Variants in HERC3 observed in about 807,000 individuals in gnomAD.
HERC3 encodes probable E3 ubiquitin-protein ligase HERC3.
In HERC3, 58 loss-of-function variants were observed where a neutral mutation model predicts 129.9. The ratio of observed to expected loss-of-function variants is 0.45; its 90% CI spans 0.36 to 0.56. The LOEUF (loss-of-function observed/expected upper bound fraction) is 0.56. HERC3 is among the 20% of genes least tolerant of loss of function. HERC3 has a pLI of 0.00. For missense variants in HERC3, 835 were observed against 1,244.2 expected (o/e 0.67, Z 4.95); for synonymous variants, 430 against 451.0 (o/e 0.95, Z 0.59).
At chr4:88,644,742 A>G (rs753230260) in intron 3 of HERC3, among the ~76,000 whole-genome samples, 72 of 152,178 alleles carry the variant, frequency 4.7e-4, no homozygotes, top group Non-Finnish European at 8.8e-4. Context: ...TATATACCAA[A>G]AAAAGGTCAA....
chr4:88,617,742 G>A (rs183979340), intron 3 of HERC3, among the ~76,000 whole-genome samples: 133 of 152,200 alleles, frequency 8.7e-4, no homozygotes, highest in Admixed American at 3.1e-3. Flanking sequence ...GTGGTGGTGG[G>A]CACCTGTATT....
chr4:88,561,656 T>C, the HERC3 span, among the ~76,000 whole-genome samples: 2 of 152,154 alleles, frequency 1.3e-5, no homozygotes, highest in African/African-American at 4.8e-5. Context: ...CTTCCCCTCT[T>C]TCCTTATTAT....
At chr4:88,685,576 A>T (rs1733338973) in intron 21 of HERC3, among the ~76,000 whole-genome samples, 1 of 152,168 alleles carries the variant, frequency 6.6e-6, no homozygotes, top group South Asian at 2.1e-4. Context: ...GGAGGGGAAC[A>T]TCACACACTG....
chr4:88,586,370 T>G, the HERC3 span, among the ~76,000 whole-genome samples: 2 of 151,430 alleles, frequency 1.3e-5, no homozygotes, highest in Non-Finnish European at 3.0e-5. Flanking sequence ...TCTTTTTTTT[T>G]TTTTTGAGAC....
At chr4:88,638,542 C>G (rs905221499) in intron 3 of HERC3, among the ~76,000 whole-genome samples, 4 of 152,152 alleles carry the variant, frequency 2.6e-5, no homozygotes, top group South Asian at 2.1e-4. Flanking sequence ...ATTCAACATC[C>G]CTTCATGTTA....
At chr4:88,530,311 A>G in the HERC3 span, among the ~76,000 whole-genome samples, 1 of 152,056 alleles carries the variant, frequency 6.6e-6, no homozygotes, top group East Asian at 1.9e-4. Context: ...AAAAAAAGCT[A>G]TCCCTATTTT....
the HERC3 span, among the ~76,000 whole-genome samples, chr4:88,550,318 C>T: frequency 3.3e-5 from 5 of 152,160 alleles, no homozygotes; most frequent in Non-Finnish European, 7.3e-5. Flanking sequence ...AAAGGGTATT[C>T]AATTAGGAAA....
the HERC3 span, among the ~76,000 whole-genome samples, chr4:88,572,667 G>C: frequency 6.6e-6 from 1 of 151,732 alleles, no homozygotes; most frequent in African/African-American, 2.4e-5. Context: ...AAATTAGCCA[G>C]GTGTGGTGGC....
the HERC3 span, among the ~76,000 whole-genome samples, chr4:88,561,305 G>A: frequency 6.6e-6 from 1 of 151,958 alleles, no homozygotes; most frequent in Non-Finnish European, 1.5e-5. Flanking sequence ...GTGCATAATA[G>A]GAAAATTAAT....
intron 3 of HERC3, among the ~76,000 whole-genome samples, chr4:88,634,390 G>A (rs1488287625): frequency 3.9e-5 from 6 of 152,192 alleles, no homozygotes; most frequent in Non-Finnish European, 7.4e-5. Flanking sequence ...AGCCACCTAC[G>A]CTCCTTGTGG....
chr4:88,528,418 T>G, the HERC3 span, among the ~76,000 whole-genome samples: 1 of 152,160 alleles, frequency 6.6e-6, no homozygotes, highest in African/African-American at 2.4e-5. Flanking sequence ...ACAGTAATAC[T>G]TGGACATTTT....
At chr4:88,678,195 T>C (rs764098505) in intron 19 of HERC3, 61 bp downstream of exon 19, 9 of 1,456,714 alleles carry the variant, frequency 6.2e-6, no homozygotes, top group Admixed American at 1.7e-5. Context: ...ACAGTGTTGA[T>C]TAAGCAGCAG....
At chr4:88,655,360 CT>C (rs1729769563) in intron 8 of HERC3, 56 bp downstream of exon 8, 1 of 1,592,982 alleles carries the variant, frequency 6.3e-7, no homozygotes, top group Admixed American at 1.7e-5. Flanking sequence ...TTGGTCTTAT[CT>C]TTGTAGTGAT....
At chr4:88,666,417 T>C (rs758005505) in intron 12 of HERC3, among the ~76,000 whole-genome samples, 1 of 152,212 alleles carries the variant, frequency 6.6e-6, no homozygotes, top group Non-Finnish European at 1.5e-5. Flanking sequence ...AATTCATTTC[T>C]ATATTTTGGG....
chr4:88,536,728 G>A, the HERC3 span, among the ~76,000 whole-genome samples: 1 of 151,722 alleles, frequency 6.6e-6, no homozygotes, highest in Non-Finnish European at 1.5e-5. Flanking sequence ...GAATCTGCTT[G>A]TAATTTAGCT....
rs538166216 is a variant in HERC3 at position 88,618,052 on chromosome 4, C to T, written c.226+12003C>T. Among the ~76,000 whole-genome samples the T allele has an allele frequency of 1.4e-4, 22 of 152,188 alleles. 1 individual carries two copies. The South Asian group carries it at 1.7e-3, about 11-fold the overall frequency. ...TGAGAAAAAGCTGGAGAGAAAGGAACGATAGGAAAATGGAGATAACAGTTG... is the reference window on the plus strand; with the variant it reads ...TGAGAAAAAGCTGGAGAGAAAGGAATGATAGGAAAATGGAGATAACAGTTG... On this transcript the variant is annotated intron_variant, in intron 3 of 25. Transcript: ENST00000402738.
At chr4:88,554,527 T>A in the HERC3 span, among the ~76,000 whole-genome samples, 1 of 152,168 alleles carries the variant, frequency 6.6e-6, no homozygotes, top group Non-Finnish European at 1.5e-5. Flanking sequence ...TGCTATTTAG[T>A]CTTTGTGAAC....
the HERC3 span, among the ~76,000 whole-genome samples, chr4:88,567,491 C>T: frequency 1.3e-5 from 2 of 151,700 alleles, no homozygotes; most frequent in African/African-American, 4.8e-5. Flanking sequence ...TTTCTTTTGT[C>T]TCCTCTGATT....
At chr4:88,628,503 T>C (rs1726381698) in intron 3 of HERC3, among the ~76,000 whole-genome samples, 1 of 152,134 alleles carries the variant, frequency 6.6e-6, no homozygotes, top group African/African-American at 2.4e-5. Context: ...TCTTTTCTAG[T>C]TGGAGTTCTT....
Sources: allele counts gnomAD v4.1 joint callset (sites outside exome capture counted in the v4.1 genomes callset), GRCh38; gene constraint gnomAD v4.1.1; transcripts MANE v1.5; gene names NCBI Gene and HGNC (gene_info 2026-07-23, HGNC 2026-07-21).